The following PAX3 variants were observed in gnomAD, a reference collection of about 807,000 sequenced individuals.
The protein encoded by PAX3 is paired box protein Pax-3.
A neutral mutation model predicts 51.6 loss-of-function variants in PAX3; 14 were observed. That is an observed-to-expected ratio of 0.27 (90% CI 0.18 to 0.42). The LOEUF (loss-of-function observed/expected upper bound fraction) is 0.42, where lower values mean the gene tolerates loss of function less well. Among genes scored for constraint, PAX3 ranks in the 10% least tolerant of loss-of-function variants. The pLI is 1.00. For synonymous variants in PAX3, 280 were observed against 253.4 expected (o/e 1.11, Z -1.00); for missense variants, 540 against 642.8 (o/e 0.84, Z 1.73).
chr2:222,201,697 T>G, intron 8 of PAX3: 1 of 1,452,662 alleles, frequency 6.9e-7, no homozygotes, highest in South Asian at 1.5e-5. Context: ...AACCCTTGTG[T>G]TTTACCTAGT....
At chr2:222,269,656 T>TAA (rs36114578) in intron 4 of PAX3, among the ~76,000 whole-genome samples, 13,956 of 142,838 alleles carry the variant, frequency 0.098, 705 homozygotes, top group South Asian at 0.14. Flanking sequence ...CACCTTTCCA[T>TAA]AAAAAAAAAA....
chr2:222,296,852 A>G, intron 2 of PAX3, 126 bp downstream of exon 2: 1 of 814,664 alleles, frequency 1.2e-6, no homozygotes, highest in South Asian at 1.4e-5. Context: ...GCCTTTACGC[A>G]CCTTCACAAA....
intron 7 of PAX3, among the ~76,000 whole-genome samples, chr2:222,205,605 G>A (rs1048852152): frequency 1.3e-5 from 2 of 152,136 alleles, no homozygotes; most frequent in Non-Finnish European, 2.9e-5. Context: ...CATTTGGCCT[G>A]AAACTGCGAT....
chr2:222,273,803 G>C (rs1488057171), intron 4 of PAX3, among the ~76,000 whole-genome samples: 1 of 151,738 alleles, frequency 6.6e-6, no homozygotes, highest in Non-Finnish European at 1.5e-5. Flanking sequence ...GCTTCCTTTA[G>C]GTAATTTGAC....
At chr2:222,207,703 A>C (rs1021074312) in intron 7 of PAX3, among the ~76,000 whole-genome samples, 2 of 152,134 alleles carry the variant, frequency 1.3e-5, no homozygotes, top group South Asian at 2.1e-4. Context: ...AATTATTTTG[A>C]ATACCTATTG....
At chr2:222,251,673 AG>A (rs1693439168) in intron 4 of PAX3, among the ~76,000 whole-genome samples, 1 of 152,182 alleles carries the variant, frequency 6.6e-6, no homozygotes, top group Admixed American at 6.5e-5. Flanking sequence ...TAGATCCCTG[AG>A]GAATCGCCAC....
intron 4 of PAX3, among the ~76,000 whole-genome samples, chr2:222,268,223 A>C (rs1486410352): frequency 6.6e-6 from 1 of 152,028 alleles, no homozygotes; most frequent in Non-Finnish European, 1.5e-5. Flanking sequence ...CACATATTCG[A>C]CCTATCTGCA....
chr2:222,281,181 C>A (rs185894358), intron 4 of PAX3, among the ~76,000 whole-genome samples: 24 of 152,160 alleles, frequency 1.6e-4, no homozygotes, highest in South Asian at 6.2e-4. Context: ...CCGGGGGCAC[C>A]ATGAGGAAAC....
intron 4 of PAX3, among the ~76,000 whole-genome samples, chr2:222,250,128 C>T (rs1452706611): frequency 6.6e-6 from 1 of 152,084 alleles, no homozygotes; most frequent in African/African-American, 2.4e-5. Flanking sequence ...ATCTTATGAG[C>T]GTGATTGCAC....
chr2:222,235,805 A>T (rs2118667), intron 4 of PAX3, among the ~76,000 whole-genome samples: 66,823 of 151,606 alleles, frequency 0.44, 15,235 homozygotes, highest in East Asian at 0.66. Flanking sequence ...AGAATTTAAG[A>T]GTTCAATAGG....
chr2:222,201,840 C>T lies in PAX3; in HGVS notation c.1420+104G>A, dbSNP rs142988099. The stretch of plus-strand genomic sequence containing the variant: ...TGCAAAAAAAAAAAAAAATTGATAC[C>T]GGCATGTGTGGCTTAATCTTGCCTC... On this transcript the variant is annotated intron_variant, in intron 8 of 8. Transcript: ENST00000392070. 3,577 of 1,599,036 alleles carry T rather than the reference C, an allele frequency of 2.2e-3. 64 individuals carry two copies. In the African/African-American group the frequency reaches 0.043, roughly 19 times the overall value.
At chr2:222,239,767 A>C (rs1055517024) in intron 4 of PAX3, among the ~76,000 whole-genome samples, 28 of 151,022 alleles carry the variant, frequency 1.9e-4, no homozygotes, top group African/African-American at 6.8e-4. Context: ...TTTTGTTTTT[A>C]TTCCCTCTAT....
chr2:222,275,925 C>T (rs1694404129), intron 4 of PAX3, among the ~76,000 whole-genome samples: 2 of 152,088 alleles, frequency 1.3e-5, no homozygotes, highest in Admixed American at 1.3e-4. Context: ...CTTGTTTGCC[C>T]CAATCAGTTG....
At chr2:222,297,847 G>A (rs552078493) in intron 1 of PAX3, among the ~76,000 whole-genome samples, 1 of 152,302 alleles carries the variant, frequency 6.6e-6, no homozygotes, top group East Asian at 1.9e-4. Context: ...GGCTGGGTGT[G>A]AAGGGAGTGG....
intron 4 of PAX3, among the ~76,000 whole-genome samples, chr2:222,261,242 C>T (rs1693850940): frequency 6.6e-6 from 1 of 152,178 alleles, no homozygotes; most frequent in Non-Finnish European, 1.5e-5. Flanking sequence ...TAACAGCCTC[C>T]CTCAAAAAGC....
At chr2:222,258,615 C>G (rs996593819) in intron 4 of PAX3, among the ~76,000 whole-genome samples, 16 of 152,232 alleles carry the variant, frequency 1.1e-4, no homozygotes, top group African/African-American at 3.9e-4. Flanking sequence ...CTTTTAAGAA[C>G]AACAGCCTCA....
intron 4 of PAX3, chr2:222,262,710 T>C (rs986958360): frequency 2.0e-5 from 3 of 152,082 alleles, no homozygotes; most frequent in Non-Finnish European, 2.9e-5. Context: ...GTTAGAGGAA[T>C]CACATTTTTT....
At chr2:222,279,660 T>C (rs1265718720) in intron 4 of PAX3, among the ~76,000 whole-genome samples, 1 of 152,216 alleles carries the variant, frequency 6.6e-6, no homozygotes, top group African/African-American at 2.4e-5. Context: ...GAAATTTCAA[T>C]GTGAAAGATA....
rs190344420 is a variant in PAX3, at chr2:222,296,071, T to C, written c.322-414A>G. 3.3e-4 allele frequency among the ~76,000 whole-genome samples: 51 copies of C among 152,372 alleles called. No individual in the cohort carries two copies. The East Asian group carries it at 5.4e-3, about 16-fold the overall frequency. On this transcript the variant is annotated intron_variant, in intron 2 of 8. Transcript: ENST00000392070. ...CAAGTTAAATCTGCAACTTGTGCTTTTCCAAAGGGATATTTATGCTAAAGT... is the reference window on the plus strand; with the variant it reads ...CAAGTTAAATCTGCAACTTGTGCTTCTCCAAAGGGATATTTATGCTAAAGT...
Sources: allele counts gnomAD v4.1 joint callset (sites outside exome capture counted in the v4.1 genomes callset), GRCh38; gene constraint gnomAD v4.1.1; transcripts MANE v1.5; gene names NCBI Gene and HGNC (gene_info 2026-07-23, HGNC 2026-07-21).